The following CLDN10 variants were observed in gnomAD, a reference collection of about 807,000 sequenced individuals.
CLDN10 encodes the protein claudin-10.
In CLDN10, 15 loss-of-function variants were observed where a neutral mutation model predicts 22.9. That is an observed-to-expected ratio of 0.65 (90% CI 0.44 to 1.01). The LOEUF (loss-of-function observed/expected upper bound fraction) is 1.01, where lower values mean the gene tolerates loss of function less well. Among genes scored for constraint, CLDN10 ranks in the 50% least tolerant of loss-of-function variants. The pLI, the probability that CLDN10 is intolerant of heterozygous loss-of-function variation, is 0.00. For missense variants in CLDN10, 247 were observed against 287.8 expected (o/e 0.86, Z 1.03); for synonymous variants, 114 against 111.4 (o/e 1.02, Z -0.15).
intron 1 of CLDN10, among the ~76,000 whole-genome samples, chr13:95,528,956 G>A (rs1224469720): frequency 6.6e-6 from 1 of 152,166 alleles, no homozygotes; most frequent in Non-Finnish European, 1.5e-5. Flanking sequence ...GTTAGAAAAG[G>A]TGCCAAGACA....
chr13:95,442,782 T>G (rs1566646376), intron 1 of CLDN10, among the ~76,000 whole-genome samples: 1 of 152,224 alleles, frequency 6.6e-6, no homozygotes, highest in East Asian at 1.9e-4. Flanking sequence ...CGATGCAAAC[T>G]CGAGCACATT....
chr13:95,440,710 A>T (rs539652461), intron 1 of CLDN10, among the ~76,000 whole-genome samples: 1 of 152,202 alleles, frequency 6.6e-6, no homozygotes, highest in Admixed American at 6.5e-5. Flanking sequence ...GCATAATATT[A>T]TATGTGTACT....
At chr13:95,461,354 A>G (rs867674803) in intron 1 of CLDN10, among the ~76,000 whole-genome samples, 6 of 152,168 alleles carry the variant, frequency 3.9e-5, no homozygotes, top group Non-Finnish European at 8.8e-5. Flanking sequence ...TCTATCCCTC[A>G]TAATGGAGTC....
At chr13:95,463,285 A>AAATAT (rs1491334890) in intron 1 of CLDN10, among the ~76,000 whole-genome samples, 1,020 of 40,078 alleles carry the variant, frequency 0.025, 100 homozygotes, top group Non-Finnish European at 0.043. Flanking sequence ...GCAAATGCTT[A>AAATAT]ATATATATAT....
chr13:95,535,136 A>G (rs1335013947), intron 1 of CLDN10, among the ~76,000 whole-genome samples: 3 of 152,186 alleles, frequency 2.0e-5, no homozygotes, highest in African/African-American at 7.2e-5. Context: ...AAGGTGCAGC[A>G]TGGCAGGTGA....
At chr13:95,444,100 C>A (rs1276260032) in intron 1 of CLDN10, among the ~76,000 whole-genome samples, 1 of 152,242 alleles carries the variant, frequency 6.6e-6, no homozygotes, top group African/African-American at 2.4e-5. Context: ...CATAGCTCCT[C>A]TCCCTGCTCA....
intron 1 of CLDN10, among the ~76,000 whole-genome samples, chr13:95,500,875 G>A (rs1298520133): frequency 6.6e-6 from 1 of 152,074 alleles, no homozygotes; most frequent in Non-Finnish European, 1.5e-5. Flanking sequence ...GAATGGAAGG[G>A]TGACACAATT....
chr13:95,550,901 C>T (rs567181033), upstream of CLDN10, among the ~76,000 whole-genome samples: 2 of 142,260 alleles, frequency 1.4e-5, no homozygotes, highest in East Asian at 4.1e-4. Context: ...TCTCGATCTC[C>T]TGACTTCATG....
At chr13:95,435,781 G>A (rs1260197556) in intron 1 of CLDN10, among the ~76,000 whole-genome samples, 1 of 152,004 alleles carries the variant, frequency 6.6e-6, no homozygotes, top group African/African-American at 2.4e-5. Context: ...CATATGGTAA[G>A]TCTGTTTGTT....
At chr13:95,475,141 T>C (rs2042673377) in intron 1 of CLDN10, among the ~76,000 whole-genome samples, 1 of 134,692 alleles carries the variant, frequency 7.4e-6, no homozygotes, top group Admixed American at 7.5e-5. Flanking sequence ...CACCCAGTGC[T>C]GTCCCACAAC....
intron 1 of CLDN10, among the ~76,000 whole-genome samples, chr13:95,535,736 AC>A (rs981990038): frequency 1.2e-4 from 18 of 152,018 alleles, no homozygotes; most frequent in African/African-American, 4.1e-4. Context: ...TCAGGGAAAG[AC>A]TGTGATGTGA....
intron 1 of CLDN10, among the ~76,000 whole-genome samples, chr13:95,524,135 C>T (rs1380285584): frequency 6.9e-6 from 1 of 144,828 alleles, no homozygotes. Flanking sequence ...TCTGCTTTGA[C>T]TGGCTTTTAA....
At chr13:95,501,773 C>G (rs2042988260) in intron 1 of CLDN10, among the ~76,000 whole-genome samples, 1 of 152,108 alleles carries the variant, frequency 6.6e-6, no homozygotes, top group Admixed American at 6.6e-5. Context: ...GTTTGGTGGT[C>G]CATTTACATT....
At chr13:95,451,128 T>C (rs2037792556) in intron 1 of CLDN10, among the ~76,000 whole-genome samples, 1 of 152,218 alleles carries the variant, frequency 6.6e-6, no homozygotes, top group African/African-American at 2.4e-5. Context: ...TCTTGAGTCC[T>C]AAAGTCCTAT....
intron 1 of CLDN10, among the ~76,000 whole-genome samples, chr13:95,463,452 C>A (rs35563484): frequency 0.21 from 30,101 of 145,266 alleles, 3,892 homozygotes; most frequent in Non-Finnish European, 0.3. Context: ...CCCACCTGAG[C>A]CTTTTGAGTG....
intron 1 of CLDN10, among the ~76,000 whole-genome samples, chr13:95,488,771 T>C (rs1363070426): frequency 6.6e-6 from 1 of 152,140 alleles, no homozygotes; most frequent in African/African-American, 2.4e-5. Context: ...AATCTCTTCA[T>C]CCACTTGTTG....
intron 1 of CLDN10, among the ~76,000 whole-genome samples, chr13:95,512,019 T>G (rs537435849): frequency 2.0e-5 from 2 of 101,290 alleles, no homozygotes; most frequent in African/African-American, 7.0e-5. Context: ...CCCACAACAG[T>G]CCCCAGAGTT....
intron 1 of CLDN10, among the ~76,000 whole-genome samples, chr13:95,507,373 A>G: frequency 6.6e-6 from 1 of 152,234 alleles, no homozygotes; most frequent in South Asian, 2.1e-4. Context: ...CACATCACCC[A>G]CTAAGAAGGC....
chr13:95,440,597 A>C (rs559105639), intron 1 of CLDN10, among the ~76,000 whole-genome samples: 54 of 152,280 alleles, frequency 3.5e-4, no homozygotes, highest in African/African-American at 1.2e-3. Context: ...GATTGCTTCA[A>C]CTGGGGAGAT....
Sources: gnomAD v4.1 joint callset for allele counts (sites outside exome capture counted in the v4.1 genomes callset) on GRCh38, gnomAD v4.1.1 for gene constraint, MANE v1.5 for transcripts, NCBI Gene and HGNC (gene_info 2026-07-23, HGNC 2026-07-21) for gene names.